Variants in HEBP1 observed in about 807,000 individuals in gnomAD.
HEBP1 encodes heme-binding protein 1.
A neutral mutation model predicts 20.4 loss-of-function variants in HEBP1; 13 were observed. The observed-to-expected ratio is 0.64, with a 90% CI of 0.42 to 1.01. The LOEUF (loss-of-function observed/expected upper bound fraction) is 1.01, where lower values mean the gene tolerates loss of function less well. HEBP1 is among the 50% of genes least tolerant of loss of function. The pLI, the probability that HEBP1 is intolerant of heterozygous loss-of-function variation, is 0.00. For synonymous variants in HEBP1, 92 were observed against 90.7 expected (o/e 1.01, Z -0.08); for missense variants, 241 against 247.3 (o/e 0.97, Z 0.17).
chr12:12,978,748 C>T (rs544412349), intron 3 of HEBP1, among the ~76,000 whole-genome samples: 1 of 152,098 alleles, frequency 6.6e-6, no homozygotes, highest in East Asian at 1.9e-4. Context: ...AGTTAAGCCT[C>T]TGGGTAGAAG....
chr12:12,989,505 C>T (rs183604156), intron 1 of HEBP1, 90 bp from the exon 2 acceptor site: 10 of 1,300,114 alleles, frequency 7.7e-6, no homozygotes, highest in Middle Eastern at 3.8e-4. Context: ...AAAAAACTTT[C>T]CTTGGTGGGT....
chr12:12,986,037 A>T lies in HEBP1; in HGVS notation c.398+1115T>A, dbSNP rs1403700836. On this transcript the variant is annotated intron_variant, in intron 3 of 3. Coordinates refer to ENST00000014930, the MANE Select transcript of HEBP1 (RefSeq NM_015987.5). The surrounding 1 kb of genome is among the most constrained non-coding windows in gnomAD (Gnocchi z 4.3). ...AGCTGTGAGAGTGAGTGCTTCCTTA[A>T]ATGCTGCACCCAAGGTGCATCTCCA... 2 of 152,200 alleles carry T rather than the reference A, an allele frequency of 1.3e-5. No individual in the cohort carries two copies. The highest frequency in any genetic ancestry group is 2.9e-5 in the Non-Finnish European group (2 of 68,034). 9.4% of individuals were successfully genotyped at this position (152,200 alleles called of 1,614,324 possible).
intron 3 of HEBP1, chr12:12,979,325 G>C (rs1041133719): frequency 6.6e-6 from 1 of 152,278 alleles, no homozygotes; most frequent in African/African-American, 2.4e-5. Context: ...TTGCTTCATC[G>C]TAGAATCCTT....
intron 3 of HEBP1, among the ~76,000 whole-genome samples, chr12:12,984,918 G>A (rs1239364188): frequency 1.3e-5 from 2 of 152,186 alleles, no homozygotes; most frequent in Admixed American, 6.5e-5. Context: ...TTGGGAGGCC[G>A]AGGCAGGTGG....
intron 3 of HEBP1, 21 bp from the exon 4 acceptor site, chr12:12,975,500 G>A (rs1306577472): frequency 1.3e-6 from 2 of 1,591,878 alleles, no homozygotes; most frequent in Non-Finnish European, 1.7e-6. Context: ...AAGAGCAAGG[G>A]CTGGTTACGA....
chr12:12,983,839 T>C (rs371335631), intron 3 of HEBP1: 10 of 453,250 alleles, frequency 2.2e-5, no homozygotes, highest in African/African-American at 1.4e-4. Context: ...CTTAGAGAAA[T>C]GGCTAATTCT....
At chr12:12,983,896 T>C in intron 3 of HEBP1, 1 of 396,350 alleles carries the variant, frequency 2.5e-6, no homozygotes, top group Non-Finnish European at 5.1e-6. Context: ...CATCTCATTA[T>C]ACCAGCAAGC....
intron 1 of HEBP1, among the ~76,000 whole-genome samples, chr12:12,994,376 G>A (rs1291841874): frequency 1.3e-5 from 2 of 152,208 alleles, no homozygotes; most frequent in Non-Finnish European, 2.9e-5. Flanking sequence ...TAGCAAGCCA[G>A]TTCATCTACT....
In HEBP1 at chr12:12,987,241, C is replaced by A; in HGVS notation, c.309G>T (p.Arg103=). Residue 103 remains arginine, a synonymous_variant, in exon 3 of 4, where the codon CGG becomes CGT. Coordinates refer to ENST00000014930, the MANE Select transcript of HEBP1 (RefSeq NM_015987.5). The part of the protein sequence containing the change: ...SLQKKLKVWF[R]IPNQFQSDPP... ...GGTCGCTTTGAAATTGGTTTGGAAT[C>A]CGGAACCAGACTTTTAATTTCTTCT... is the stretch of plus-strand genomic sequence containing the variant. The A allele has an allele frequency of 6.2e-7, 1 of 1,614,030 alleles. No individual in the cohort carries two copies. The highest frequency in any genetic ancestry group is 8.5e-7 in the Non-Finnish European group (1 of 1,179,994).
chr12:12,999,859 C>T (rs913963193), intron 1 of HEBP1, among the ~76,000 whole-genome samples, 178 bp downstream of exon 1: 4 of 152,248 alleles, frequency 2.6e-5, no homozygotes, highest in African/African-American at 4.8e-5. Flanking sequence ...ACCTCTCACT[C>T]CTTTCCTTCC....
chr12:12,997,732 G>A (rs905766317), intron 1 of HEBP1, among the ~76,000 whole-genome samples: 8 of 152,186 alleles, frequency 5.3e-5, no homozygotes, highest in Admixed American at 4.6e-4. Context: ...CACAGGCCAC[G>A]AACCAGCCCA....
chr12:12,999,828 C>T (rs184072826), intron 1 of HEBP1, among the ~76,000 whole-genome samples: 1 of 152,370 alleles, frequency 6.6e-6, no homozygotes, highest in African/African-American at 2.4e-5. Context: ...CCCCCCTCCT[C>T]TCACCACCGG....
chr12:12,999,677 C>T (rs961720875), intron 1 of HEBP1, among the ~76,000 whole-genome samples: 1 of 152,262 alleles, frequency 6.6e-6, no homozygotes, highest in African/African-American at 2.4e-5. Context: ...TCTTGCGACA[C>T]TCATTTCTGC....
chr12:12,976,814 G>T (rs1030903567), intron 3 of HEBP1, among the ~76,000 whole-genome samples: 4 of 152,192 alleles, frequency 2.6e-5, no homozygotes, highest in Non-Finnish European at 5.9e-5. Flanking sequence ...CTTCATTGAG[G>T]TTCAAATGAG....
rs369743242 is a variant in HEBP1, at chr12:13,000,137, C to A, written c.-23G>T. Reference sequence around the variant, plus strand: ...CATGTTGTAGCCGAGACGCTCCCGACGCACGGGAGGACGTGAGGTGGCGGG... The same window carrying A: ...CATGTTGTAGCCGAGACGCTCCCGAAGCACGGGAGGACGTGAGGTGGCGGG... On this transcript the variant is annotated 5_prime_UTR_variant, in exon 1 of 4. Coordinates refer to ENST00000014930, the MANE Select transcript of HEBP1 (RefSeq NM_015987.5). The A allele has an allele frequency of 2.4e-4, 372 of 1,575,952 alleles. 2 individuals carry two copies. Among genetic ancestry groups the A allele is most frequent in the Non-Finnish European group, 3.1e-4 (360 of 1,155,586 alleles).
chr12:12,999,772 A>G (rs1294443597), intron 1 of HEBP1, among the ~76,000 whole-genome samples: 2 of 151,992 alleles, frequency 1.3e-5, no homozygotes, highest in Non-Finnish European at 2.9e-5. Context: ...GCAGTGCCCA[A>G]CTCCCCAAGT....
At chr12:12,981,349 G>A (rs1864079578) in intron 3 of HEBP1, among the ~76,000 whole-genome samples, 1 of 152,168 alleles carries the variant, frequency 6.6e-6, no homozygotes, top group South Asian at 2.1e-4. Flanking sequence ...TGGTGCTTAG[G>A]AGAGAAGGCA....
rs1041416863 is a variant in HEBP1, at chr12:12,986,567, A to C, written c.398+585T>G. On this transcript the variant is annotated intron_variant, in intron 3 of 3. Transcript: ENST00000014930. This position sits in a 1 kb window ranked among gnomAD's most constrained non-coding sequence, Gnocchi z 4.3. ...GTTTCTGAGGGCAGTTTGGAGCACAAGGGATAGAAACTAGTAACCATTTGC... is the reference window on the plus strand; with the variant it reads ...GTTTCTGAGGGCAGTTTGGAGCACACGGGATAGAAACTAGTAACCATTTGC... 1 of 152,190 alleles carries C rather than the reference A, an allele frequency of 6.6e-6. No homozygotes were observed. Among genetic ancestry groups the C allele is most frequent in the Admixed American group, 6.5e-5 (1 of 15,282 alleles). 9.4% of individuals were successfully genotyped at this position (152,190 alleles called of 1,614,324 possible).
chr12:12,992,863 T>C (rs926440068), intron 1 of HEBP1, among the ~76,000 whole-genome samples: 1 of 152,122 alleles, frequency 6.6e-6, no homozygotes, highest in African/African-American at 2.4e-5. Flanking sequence ...CCTAAAATGG[T>C]TTTAAAGTTT....
Sources: gnomAD v4.1 joint callset for allele counts (sites outside exome capture counted in the v4.1 genomes callset) on GRCh38, gnomAD v4.1.1 for gene constraint, Gnocchi (gnomAD v3.1) non-coding constraint, MANE v1.5 for transcripts, NCBI Gene and HGNC (gene_info 2026-07-23, HGNC 2026-07-21) for gene names.